FAM32A: variants seen among roughly 807,000 people sequenced by gnomAD.
The protein encoded by FAM32A is family with sequence similarity 32 member A.
FAM32A carries 9 observed loss-of-function variants against 15.8 expected under a neutral mutation model. The observed-to-expected ratio is 0.57, with a 90% confidence interval of 0.34 to 1.00. FAM32A has a LOEUF of 1.00. FAM32A is among the 50% of genes least tolerant of loss of function. The pLI is 0.02. For synonymous variants in FAM32A, 64 were observed against 54.9 expected (o/e 1.16, Z -0.73); for missense variants, 113 against 138.3 (o/e 0.82, Z 0.92).
intron 3 of FAM32A, 65 bp downstream of exon 3, chr19:16,190,638 T>C: frequency 7.7e-7 from 1 of 1,302,082 alleles, no homozygotes; most frequent in Non-Finnish European, 1.1e-6. Flanking sequence ...CCAGAGGCTA[T>C]CAGCTGGCAG....
chr19:16,188,475 G>C (rs1392554808), intron 2 of FAM32A, among the ~76,000 whole-genome samples: 1 of 152,226 alleles, frequency 6.6e-6, no homozygotes, highest in African/African-American at 2.4e-5. Context: ...AGTCAGCCAG[G>C]CACAGTGGCT....
Position 16,191,076 on chromosome 19 carries a change from A to G in FAM32A, c.*121A>G. The G allele has an allele frequency of 1.3e-6, 1 of 781,184 alleles. No individual in the cohort carries two copies. The highest frequency in any genetic ancestry group is 2.0e-5 in the Admixed American group (1 of 49,536). The allele number at this position is 781,184 out of a possible 1,614,324, so 48.4% of individuals were successfully genotyped here. A position where few individuals can be genotyped will look rare whatever the true frequency, so the allele number is the denominator to read the frequency against. ...CACACACCCTTGCATCTTCTGCTACAGACTGCTTTTCGAAGCTGTGTACCC... is the reference window on the plus strand; with the variant it reads ...CACACACCCTTGCATCTTCTGCTACGGACTGCTTTTCGAAGCTGTGTACCC... On this transcript the variant is annotated 3_prime_UTR_variant, in exon 4 of 4. Coordinates refer to ENST00000263384, the MANE Select transcript of FAM32A (RefSeq NM_014077.4).
At chr19:16,185,892 G>A (rs1174545522) in intron 2 of FAM32A, 127 bp downstream of exon 2, 1 of 1,097,810 alleles carries the variant, frequency 9.1e-7, no homozygotes, top group Non-Finnish European at 1.3e-6. Context: ...TACGGGGAGA[G>A]GATGCTGTAC....
Position 16,190,877 on chromosome 19 carries a change from A to C in FAM32A, c.271-10A>C. The C allele has an allele frequency of 6.2e-7, 1 of 1,613,334 alleles. No individual in the cohort carries two copies. Among genetic ancestry groups the C allele is most frequent in the Non-Finnish European group, 8.5e-7 (1 of 1,179,490 alleles). On this transcript the variant is annotated splice_polypyrimidine_tract_variant and intron_variant, in intron 3 of 3. Transcript: ENST00000263384. ...TGCGCTGACACCGGCCTTCTACTCC[A>C]CCTCCCCAGGACTTCAACAGACACC...
At chr19:16,185,825 T>C in intron 2 of FAM32A, 60 bp downstream of exon 2, 8 of 1,528,514 alleles carry the variant, frequency 5.2e-6, no homozygotes, top group South Asian at 4.8e-5. Flanking sequence ...AGACTGGAAA[T>C]TGGGGTCAGG....
At chr19:16,190,804 G>C in intron 3 of FAM32A, 83 bp from the exon 4 acceptor site, 1 of 1,152,950 alleles carries the variant, frequency 8.7e-7, no homozygotes, top group South Asian at 1.2e-5. Context: ...GGATGTGGGA[G>C]AGGTGGGGCT....
intron 2 of FAM32A, among the ~76,000 whole-genome samples, chr19:16,188,375 A>T (rs2091393682): frequency 6.6e-6 from 1 of 152,168 alleles, no homozygotes; most frequent in East Asian, 1.9e-4. Flanking sequence ...CAGGTAAAGC[A>T]GGTTTTCTGG....
chr19:16,190,854 C>T lies in FAM32A; in HGVS notation c.271-33C>T, dbSNP rs8102293. ...CTCCCCAGTACCCCACTTGGGTCTGCGCTGACACCGGCCTTCTACTCCACC... is the reference window on the plus strand; with the variant it reads ...CTCCCCAGTACCCCACTTGGGTCTGTGCTGACACCGGCCTTCTACTCCACC... On this transcript the variant is annotated intron_variant, in intron 3 of 3. Coordinates refer to ENST00000263384, the MANE Select transcript of FAM32A (RefSeq NM_014077.4). 5.1e-3 allele frequency: 8,035 copies of T among 1,590,942 alleles called. 351 individuals carry two copies. The African/African-American group carries it at 0.093, about 18-fold the overall frequency.
chr19:16,189,790 C>T (rs1163714543), intron 2 of FAM32A, among the ~76,000 whole-genome samples: 1 of 150,588 alleles, frequency 6.6e-6, no homozygotes, highest in Non-Finnish European at 1.5e-5. Context: ...GTCCTCTCAC[C>T]CCAGCCTCTT....
intron 2 of FAM32A, among the ~76,000 whole-genome samples, chr19:16,190,072 C>A (rs2091400092): frequency 1.3e-5 from 2 of 152,094 alleles, no homozygotes; most frequent in African/African-American, 4.8e-5. Context: ...TTCAGAATAA[C>A]CCTGGGGATG....
At position 16,185,697 on chromosome 19, in the gene FAM32A, G is replaced by A; in HGVS notation, c.148G>A (p.Glu50Lys). The A allele has an allele frequency of 6.4e-7, 1 of 1,569,460 alleles. No individual in the cohort carries two copies. Among genetic ancestry groups the A allele is most frequent in the South Asian group, 1.2e-5 (1 of 85,622 alleles). The change falls in exon 2 of 4, where the codon GAG becomes AAG. Residue 50 changes from glutamate (E) to lysine (K), a missense_variant. Around this residue, in one of 2 missense-constraint regions of FAM32A, gnomAD observed 112 missense variants for 118.6 expected, o/e 0.94. Transcript: ENST00000263384. ...GGGAACGAGCAAAAAGAACGAGGAGGAGAAGCGGCGCGGCCTGGACAAGCG... is the reference window on the plus strand; with the variant it reads ...GGGAACGAGCAAAAAGAACGAGGAGAAGAAGCGGCGCGGCCTGGACAAGCG... ...AMGTSKKNEE[E>K]KRRGLDKRTP... is the part of the protein sequence containing the mutation.
Position 16,190,514 on chromosome 19 carries a change from C to G in FAM32A, c.217-6C>G. ...AAACTCACCTCCATGTCTCTTCTCT[C>G]TCCAGCAAATGGAAAGGATCCTAAA... On this transcript the variant is annotated splice_polypyrimidine_tract_variant and splice_region_variant and intron_variant, in intron 2 of 3. Coordinates refer to ENST00000263384, the MANE Select transcript of FAM32A (RefSeq NM_014077.4). 6.2e-7 allele frequency: 1 copy of G among 1,607,520 alleles called. No homozygotes were observed. Among genetic ancestry groups the G allele is most frequent in the Middle Eastern group, 1.7e-4 (1 of 6,034 alleles).
At chr19:16,188,187 C>T (rs79913297) in intron 2 of FAM32A, among the ~76,000 whole-genome samples, 2 of 152,130 alleles carry the variant, frequency 1.3e-5, no homozygotes, top group Non-Finnish European at 2.9e-5. Flanking sequence ...CAGAGTAGAG[C>T]AGTCGTGATG....
chr19:16,190,325 G>A (rs556359440), intron 2 of FAM32A, among the ~76,000 whole-genome samples, 195 bp from the exon 3 acceptor site: 10 of 152,222 alleles, frequency 6.6e-5, no homozygotes, highest in Non-Finnish European at 1.0e-4. Context: ...TGCCACTCAC[G>A]AAGCTGGCAA....
At chr19:16,187,609 C>T (rs1352720642) in intron 2 of FAM32A, 1 of 150,578 alleles carries the variant, frequency 6.6e-6, no homozygotes, top group Non-Finnish European at 1.5e-5. Context: ...CCACGACGCC[C>T]ATCTAATTTT....
At position 16,185,422 on chromosome 19, in the gene FAM32A, A is replaced by G; in HGVS notation, c.-21A>G. The G allele has an allele frequency of 6.5e-7, 1 of 1,548,126 alleles. No individual in the cohort carries two copies. Among genetic ancestry groups the G allele is most frequent in the Middle Eastern group, 1.7e-4 (1 of 5,984 alleles). The stretch of plus-strand genomic sequence containing the variant: ...AAACAGGAAGTGTGGCACTCCAGCT[A>G]CCGAAGCACTGGAGAGTGTCATGGA... On this transcript the variant is annotated 5_prime_UTR_variant, in exon 1 of 4. Coordinates refer to ENST00000263384, the MANE Select transcript of FAM32A (RefSeq NM_014077.4).
chr19:16,190,384 G>A (rs868093723), intron 2 of FAM32A, 136 bp from the exon 3 acceptor site: 2 of 603,938 alleles, frequency 3.3e-6, no homozygotes, highest in Middle Eastern at 3.8e-4. Context: ...TGAGGGAGGG[G>A]GACAAGGCAC....
intron 2 of FAM32A, 104 bp from the exon 3 acceptor site, chr19:16,190,416 T>C: frequency 2.6e-6 from 2 of 761,078 alleles, no homozygotes; most frequent in Non-Finnish European, 4.5e-6. Context: ...CCTCCAGCTG[T>C]TCTAAATGTG....
intron 2 of FAM32A, 72 bp downstream of exon 2, chr19:16,185,837 C>A: frequency 6.7e-7 from 1 of 1,487,512 alleles, no homozygotes. Context: ...GGGGTCAGGG[C>A]TGGGACGCTC....
Sources: gnomAD v4.1 joint callset for allele counts (sites outside exome capture counted in the v4.1 genomes callset) on GRCh38, gnomAD v4.1.1 for gene constraint, gnomAD v4.1.1 regional missense constraint, MANE v1.5 for transcripts, NCBI Gene and HGNC (gene_info 2026-07-23, HGNC 2026-07-21) for gene names.